The following NECTIN3 variants were observed in gnomAD, a reference collection of about 807,000 sequenced individuals.
The protein encoded by NECTIN3 is nectin cell adhesion molecule 3, also known as nectin-3.
NECTIN3 carries 8 observed loss-of-function variants against 49.4 expected under a neutral mutation model. That is an observed-to-expected ratio of 0.16 (90% CI 0.10 to 0.29). The LOEUF is 0.29. Among genes scored for constraint, NECTIN3 ranks in the 10% least tolerant of loss-of-function variants. The pLI is 1.00. For missense variants in NECTIN3, 581 were observed against 654.6 expected, an observed-to-expected ratio of 0.89 and a Z score of 1.23; for synonymous variants, 277 against 241.1, an observed-to-expected ratio of 1.15 and a Z score of -1.38.
intron 7 of NECTIN3, among the ~76,000 whole-genome samples, chr3:111,180,001 A>G (rs1021595383): frequency 6.6e-6 from 1 of 152,190 alleles, no homozygotes; most frequent in East Asian, 1.9e-4. Flanking sequence ...CTAATAATTA[A>G]CTTAAAAATT....
chr3:111,186,225 AC>A (rs2035717661), intron 7 of NECTIN3, among the ~76,000 whole-genome samples: 2 of 152,072 alleles, frequency 1.3e-5, no homozygotes, highest in South Asian at 4.1e-4. Context: ...TTCATATGGA[AC>A]CAAAAAAGAG....
chr3:111,077,194 C>T (rs759751324), intron 1 of NECTIN3: 8 of 437,996 alleles, frequency 1.8e-5, no homozygotes, highest in Non-Finnish European at 3.7e-5. Context: ...GTATGGCATC[C>T]AGGAGATTGT....
At chr3:111,165,773 A>G (rs1358199267) in intron 7 of NECTIN3, among the ~76,000 whole-genome samples, 1 of 152,238 alleles carries the variant, frequency 6.6e-6, no homozygotes, top group African/African-American at 2.4e-5. Flanking sequence ...ATAGTTATAG[A>G]ATAATGAATT....
At chr3:111,153,240 G>A (rs2107514240) in intron 7 of NECTIN3, among the ~76,000 whole-genome samples, 1 of 151,986 alleles carries the variant, frequency 6.6e-6, no homozygotes, top group Non-Finnish European at 1.5e-5. Flanking sequence ...GAATTGTGGG[G>A]CTTTATTCTG....
intron 5 of NECTIN3, among the ~76,000 whole-genome samples, chr3:111,143,716 A>G (rs954727189): frequency 2.6e-5 from 4 of 151,954 alleles, no homozygotes; most frequent in African/African-American, 4.8e-5. Context: ...AGACCTCTTC[A>G]TTAGTCGGCG....
chr3:111,104,351 T>A (rs1383945311), intron 1 of NECTIN3, among the ~76,000 whole-genome samples: 1 of 149,014 alleles, frequency 6.7e-6, no homozygotes, highest in Non-Finnish European at 1.5e-5. Context: ...GAGAGGATCT[T>A]GATCTGTCTA....
At chr3:111,177,956 T>C (rs12485668) in intron 7 of NECTIN3, among the ~76,000 whole-genome samples, 28,876 of 152,154 alleles carry the variant, frequency 0.19, 5,664 homozygotes, top group African/African-American at 0.48. Flanking sequence ...TGTATTAAAA[T>C]TTAGGTAAAG....
intron 7 of NECTIN3, among the ~76,000 whole-genome samples, chr3:111,184,269 T>C (rs1239437834): frequency 6.6e-6 from 1 of 152,244 alleles, no homozygotes; most frequent in Non-Finnish European, 1.5e-5. Flanking sequence ...ATAGCCATTT[T>C]AAAGTTTTTC....
intron 1 of NECTIN3, among the ~76,000 whole-genome samples, chr3:111,088,462 C>G (rs1250643277): frequency 1.3e-5 from 2 of 152,088 alleles, no homozygotes; most frequent in African/African-American, 2.4e-5. Context: ...CAGGAAGTTT[C>G]TTTCTGTTCT....
downstream of NECTIN3, among the ~76,000 whole-genome samples, chr3:111,140,549 CTT>C (rs1184055902): frequency 6.6e-6 from 1 of 151,862 alleles, no homozygotes. Context: ...TGAATAAACT[CTT>C]ATTAGTATAT....
downstream of NECTIN3, among the ~76,000 whole-genome samples, chr3:111,141,613 G>A (rs1310667209): frequency 6.6e-6 from 1 of 151,824 alleles, no homozygotes; most frequent in African/African-American, 2.4e-5. Flanking sequence ...AATTAGGTGT[G>A]TCAGTATACT....
intron 1 of NECTIN3, among the ~76,000 whole-genome samples, chr3:111,081,887 AGC>A (rs1315057346): frequency 3.3e-5 from 5 of 152,206 alleles, no homozygotes; most frequent in African/African-American, 7.2e-5. Flanking sequence ...AGACTGTGGT[AGC>A]CACTGAGGAG....
At chr3:111,144,192 C>A (rs904007362) in intron 5 of NECTIN3, among the ~76,000 whole-genome samples, 1 of 151,820 alleles carries the variant, frequency 6.6e-6, no homozygotes, top group Non-Finnish European at 1.5e-5. Context: ...TTTTTTAAAT[C>A]CTTTCTTAAA....
Position 111,194,073 on chromosome 3 carries a change from G to A in NECTIN3, c.63+1660G>A, listed in dbSNP as rs1449970218. ...CTTTTGACTAGCTGTATGTAACAAA[G>A]GCTCTACTTTTGCTCTGTCACTGTT... On this transcript the variant is annotated intron_variant, in intron 1 of 1. Transcript: ENST00000485506. Among the ~76,000 whole-genome samples, 3 of 152,104 alleles carry A rather than the reference G, an allele frequency of 2.0e-5. No individual in the cohort carries two copies. The East Asian group carries it at 5.8e-4, about 29-fold the overall frequency.
intron 7 of NECTIN3, among the ~76,000 whole-genome samples, chr3:111,151,951 A>AAC (rs146582415): frequency 7.4e-4 from 111 of 150,668 alleles, no homozygotes; most frequent in African/African-American, 1.6e-3. Flanking sequence ...TAGACAAGAA[A>AAC]ACACACACAC....
In NECTIN3 at chr3:111,135,154, T is replaced by C; in HGVS notation, c.*939T>C. Reference sequence around the variant, plus strand: ...CCAACAATCTATAGAAAGAATTTTATGGACCATCTTGTTTTAGTTATTTAA... The same window carrying C: ...CCAACAATCTATAGAAAGAATTTTACGGACCATCTTGTTTTAGTTATTTAA... On this transcript the variant is annotated 3_prime_UTR_variant, in exon 6 of 6. Coordinates refer to ENST00000485303, the MANE Select transcript of NECTIN3 (RefSeq NM_015480.3). 1 of 982,312 alleles carries C rather than the reference T, an allele frequency of 1.0e-6. No individual in the cohort carries two copies. The highest frequency in any genetic ancestry group is 1.2e-6 in the Non-Finnish European group (1 of 827,196). 60.8% of individuals were successfully genotyped at this position (982,312 alleles called of 1,614,324 possible). A position where few individuals can be genotyped will look rare whatever the true frequency, so the allele number is the denominator to read the frequency against.
At chr3:111,176,732 A>G (rs923450297) in intron 7 of NECTIN3, among the ~76,000 whole-genome samples, 1 of 152,076 alleles carries the variant, frequency 6.6e-6, no homozygotes, top group African/African-American at 2.4e-5. Context: ...AGATCCCCCC[A>G]AAAATACATG....
chr3:111,072,208 GA>G, intron 1 of NECTIN3, 31 bp downstream of exon 1: 1 of 1,526,284 alleles, frequency 6.6e-7, no homozygotes. Flanking sequence ...GGCGTGGGCT[GA>G]GGGAGCCGCC....
In NECTIN3 at chr3:111,072,048, T is replaced by C; in HGVS notation, c.31T>C (p.Cys11Arg). MARTLRPSPL[C>R]PGGGKAQLSS... ...GCGGACCCTGCGGCCGTCCCCGCTG[T>C]GTCCTGGAGGCGGCAAAGCACAACT... The change falls in exon 1 of 6, where the codon TGT becomes CGT. Residue 11 changes from cysteine (C) to arginine (R), a missense_variant. Cys to Arg is a radical substitution (Grantham distance 180, BLOSUM62 -3). Coordinates refer to ENST00000485303, the MANE Select transcript of NECTIN3 (RefSeq NM_015480.3). The C allele has an allele frequency of 6.5e-7, 1 of 1,542,306 alleles. No homozygotes were observed. Among genetic ancestry groups the C allele is most frequent in the African/African-American group, 1.4e-5 (1 of 71,670 alleles).
Sources: allele counts gnomAD v4.1 joint callset (sites outside exome capture counted in the v4.1 genomes callset), GRCh38; gene constraint gnomAD v4.1.1; transcripts MANE v1.5; gene names NCBI Gene and HGNC (gene_info 2026-07-23, HGNC 2026-07-21).